NME7: variants seen among roughly 807,000 people sequenced by gnomAD.
The protein encoded by NME7 is NME/NM23 family member 7.
In NME7, 41 loss-of-function variants were observed where a neutral mutation model predicts 49.1. The observed-to-expected ratio is 0.83, with a 90% confidence interval of 0.65 to 1.08. NME7 has a LOEUF of 1.08. NME7 is among the 50% of genes least tolerant of loss of function. The pLI is 0.00. For missense variants in NME7, 423 were observed against 463.4 expected (o/e 0.91, Z 0.80); for synonymous variants, 139 against 150.6 (o/e 0.92, Z 0.56).
At chr1:169,235,784 T>C (rs1388073499) in intron 8 of NME7, among the ~76,000 whole-genome samples, 1 of 152,144 alleles carries the variant, frequency 6.6e-6, no homozygotes, top group African/African-American at 2.4e-5. Context: ...AAAGCATTTA[T>C]ACAAGTCATG....
rs1571335548 is a variant in NME7 at position 169,259,592 on chromosome 1, G to A, written c.755-21905C>T. 1.5e-5 allele frequency among the ~76,000 whole-genome samples: 2 copies of A among 133,920 alleles called. 1 individual carries two copies. Among genetic ancestry groups the A allele is most frequent in the East Asian group, 4.0e-4 (2 of 5,036 alleles). The allele number at this position is 133,920 out of a possible 152,430, so 87.9% of individuals were successfully genotyped here. On this transcript the variant is annotated intron_variant, in intron 7 of 11. Coordinates refer to ENST00000367811, the MANE Select transcript of NME7 (RefSeq NM_013330.5). Reference sequence around the variant, plus strand: ...TTTTTCTACTAAGATGAATTCCTGAGTAAAACTTAGCATTTCCCACCTCTG... The same window carrying A: ...TTTTTCTACTAAGATGAATTCCTGAATAAAACTTAGCATTTCCCACCTCTG...
At position 169,256,298 on chromosome 1, in the gene NME7, C is replaced by T. The variant is rs553116562; in HGVS notation, c.755-18611G>A. Among the ~76,000 whole-genome samples the T allele has an allele frequency of 2.2e-5, 3 of 133,858 alleles. No individual in the cohort carries two copies. In the East Asian group the frequency reaches 5.9e-4, roughly 27 times the overall value. 87.8% of individuals were successfully genotyped at this position (133,858 alleles called of 152,430 possible). ...TTTTTTCTCTAAACTTTCCTTCTCGCTTCATTTCATTCATTTCATCTTCCA... is the reference window on the plus strand; with the variant it reads ...TTTTTTCTCTAAACTTTCCTTCTCGTTTCATTTCATTCATTTCATCTTCCA... On this transcript the variant is annotated intron_variant, in intron 7 of 11. Transcript: ENST00000367811.
chr1:169,230,016 T>C (rs1018974979), intron 10 of NME7, among the ~76,000 whole-genome samples: 3 of 151,922 alleles, frequency 2.0e-5, no homozygotes, highest in Non-Finnish European at 4.4e-5. Flanking sequence ...TTAAATTGAA[T>C]TGGCTGCTCA....
At chr1:169,219,339 T>C (rs1001644792) in intron 10 of NME7, among the ~76,000 whole-genome samples, 6 of 152,228 alleles carry the variant, frequency 3.9e-5, no homozygotes, top group African/African-American at 1.4e-4. Context: ...AAGTACTACA[T>C]TGAATCCACA....
At chr1:169,185,003 T>C (rs965630095) in intron 10 of NME7, among the ~76,000 whole-genome samples, 3 of 152,166 alleles carry the variant, frequency 2.0e-5, no homozygotes, top group Non-Finnish European at 2.9e-5. Flanking sequence ...ACTAGAGATA[T>C]ATGCAAAGTG....
intron 5 of NME7, chr1:169,301,849 A>T (rs1158340791): frequency 6.6e-6 from 1 of 152,182 alleles, no homozygotes; most frequent in Non-Finnish European, 1.5e-5. Flanking sequence ...GTTCGCACTT[A>T]CAAGTAGGAG....
In NME7 at chr1:169,355,271, G is replaced by C. The variant is rs868792468; in HGVS notation, c.3+12437C>G. Among the ~76,000 whole-genome samples, 14 of 66,192 alleles carry C rather than the reference G, an allele frequency of 2.1e-4. No individual in the cohort carries two copies. The South Asian group carries it at 8.0e-3, about 38-fold the overall frequency. The allele number at this position is 66,192 out of a possible 152,430, so 43.4% of individuals were successfully genotyped here. On this transcript the variant is annotated intron_variant, in intron 1 of 11. Transcript: ENST00000367811. ...ATATTATATCTATATATAATATATT[G>C]TATATTATATATAATATATTGTATA...
At chr1:169,133,168 T>G (rs1419487485) in intron 11 of NME7, among the ~76,000 whole-genome samples, 2 of 152,228 alleles carry the variant, frequency 1.3e-5, no homozygotes, top group Non-Finnish European at 1.5e-5. Context: ...GTTCATACCT[T>G]GCTTTTTGGT....
chr1:169,197,154 C>T (rs1321285239), intron 10 of NME7, among the ~76,000 whole-genome samples: 1 of 151,866 alleles, frequency 6.6e-6, no homozygotes, highest in Non-Finnish European at 1.5e-5. Flanking sequence ...CCATATTAGC[C>T]TTAGGACCAA....
chr1:169,307,712 T>C (rs1465834005), intron 4 of NME7, among the ~76,000 whole-genome samples: 1 of 152,132 alleles, frequency 6.6e-6, no homozygotes, highest in Admixed American at 6.5e-5. Flanking sequence ...CTTTATGAGA[T>C]AGGTACTATT....
At chr1:169,155,092 A>C (rs1230769895) in intron 11 of NME7, among the ~76,000 whole-genome samples, 1 of 152,112 alleles carries the variant, frequency 6.6e-6, no homozygotes, top group Non-Finnish European at 1.5e-5. Flanking sequence ...TTACCACAGC[A>C]CCTGTCCCAA....
chr1:169,339,048 CTGGG>C, intron 1 of NME7, among the ~76,000 whole-genome samples: 1 of 152,150 alleles, frequency 6.6e-6, no homozygotes, highest in Middle Eastern at 3.4e-3. Context: ...TCTCCTAGTT[CTGGG>C]ACCATAAAAT....
chr1:169,266,878 G>A (rs1345908427), intron 7 of NME7, among the ~76,000 whole-genome samples: 2 of 132,280 alleles, frequency 1.5e-5, no homozygotes, highest in Non-Finnish European at 3.5e-5. Context: ...GACCAGCCTG[G>A]CCAACATAGT....
intron 1 of NME7, among the ~76,000 whole-genome samples, chr1:169,364,200 A>G (rs12097682): frequency 0.042 from 6,382 of 152,308 alleles, 198 homozygotes; most frequent in East Asian, 0.12. Context: ...GAACAACATA[A>G]GCATGAATTC....
chr1:169,239,836 G>A (rs1309240569), intron 7 of NME7, among the ~76,000 whole-genome samples: 4 of 152,014 alleles, frequency 2.6e-5, no homozygotes, highest in Non-Finnish European at 1.5e-5. Context: ...TGGAATAAAA[G>A]TATCTTCATC....
At chr1:169,320,539 A>G (rs1461303661) in intron 3 of NME7, among the ~76,000 whole-genome samples, 2 of 152,212 alleles carry the variant, frequency 1.3e-5, no homozygotes, top group Non-Finnish European at 2.9e-5. Flanking sequence ...CGGTTGTTAC[A>G]TAGAAGGTGT....
At chr1:169,251,423 A>T (rs1180887179) in intron 7 of NME7, among the ~76,000 whole-genome samples, 2 of 152,020 alleles carry the variant, frequency 1.3e-5, no homozygotes, top group Non-Finnish European at 2.9e-5. Flanking sequence ...TGATTTTTAA[A>T]ATCCATTCTG....
At chr1:169,201,378 T>A (rs1660546860) in intron 10 of NME7, among the ~76,000 whole-genome samples, 1 of 152,106 alleles carries the variant, frequency 6.6e-6, no homozygotes, top group African/African-American at 2.4e-5. Flanking sequence ...GGGCATAATA[T>A]GACTAGATTT....
At chr1:169,253,686 A>G (rs979406850) in intron 7 of NME7, among the ~76,000 whole-genome samples, 12 of 152,208 alleles carry the variant, frequency 7.9e-5, no homozygotes, top group African/African-American at 2.9e-4. Flanking sequence ...TCAGTATGAT[A>G]CTGGCTGTGG....
Sources: allele counts gnomAD v4.1 joint callset (sites outside exome capture counted in the v4.1 genomes callset), GRCh38; gene constraint gnomAD v4.1.1; transcripts MANE v1.5; gene names NCBI Gene and HGNC (gene_info 2026-07-23, HGNC 2026-07-21).